LYRM4: variants seen among roughly 807,000 people sequenced by gnomAD.
LYRM4 encodes LYR motif containing 4.
A neutral mutation model predicts 11.7 loss-of-function variants in LYRM4; 9 were observed. The ratio of observed to expected loss-of-function variants is 0.77; its 90% CI spans 0.46 to 1.34. LYRM4 has a LOEUF of 1.34. LYRM4 is among the 40% of genes most tolerant of loss of function. The probability of loss-of-function intolerance (pLI) is 0.00; values close to 1 mark genes in which losing one functional copy is unlikely to be tolerated. For missense variants in LYRM4, 133 were observed against 112.5 expected (o/e 1.18, Z -0.82); for synonymous variants, 42 against 40.4 (o/e 1.04, Z -0.15).
At chr6:5,032,401 TATA>T in the LYRM4 span, 1 of 152,246 alleles carries the variant, frequency 6.6e-6, no homozygotes, top group Non-Finnish European at 1.5e-5. Context: ...TTCATTGAGG[TATA>T]ATAACATATT....
chr6:5,161,224 T>C (rs1758740143), intron 2 of LYRM4, among the ~76,000 whole-genome samples: 1 of 152,220 alleles, frequency 6.6e-6, no homozygotes, highest in Admixed American at 6.5e-5. Context: ...TGTTAAGAAT[T>C]AGAACCAGGT....
the LYRM4 span, among the ~76,000 whole-genome samples, chr6:5,083,158 C>G: frequency 3.3e-3 from 501 of 152,334 alleles, 1 homozygote; most frequent in African/African-American, 0.012. Context: ...CAGCACCTCC[C>G]TCACCTCCTT....
At chr6:5,236,035 A>G (rs1763519170) in intron 1 of LYRM4, among the ~76,000 whole-genome samples, 1 of 152,234 alleles carries the variant, frequency 6.6e-6, no homozygotes, top group South Asian at 2.1e-4. Flanking sequence ...CTACAAGAAC[A>G]AAGTACAGTC....
chr6:5,116,806 C>CT (rs1434901144), intron 2 of LYRM4, among the ~76,000 whole-genome samples: 3 of 152,222 alleles, frequency 2.0e-5, no homozygotes, highest in African/African-American at 7.2e-5. Flanking sequence ...CTTAAGAGCT[C>CT]TGAGACTCAT....
intron 2 of LYRM4, among the ~76,000 whole-genome samples, chr6:5,118,529 T>C (rs575276205): frequency 1.7e-4 from 26 of 152,284 alleles, no homozygotes; most frequent in African/African-American, 5.8e-4. Flanking sequence ...GTGGCCCTCC[T>C]CTGGCTTATG....
the LYRM4 span, chr6:5,031,898 CACA>C: frequency 2.0e-5 from 3 of 152,114 alleles, no homozygotes; most frequent in East Asian, 1.9e-4. Context: ...AAAGAATCAT[CACA>C]ACATTTTAAA....
the LYRM4 span, among the ~76,000 whole-genome samples, chr6:5,097,934 C>T: frequency 6.6e-6 from 1 of 152,234 alleles, no homozygotes; most frequent in Non-Finnish European, 1.5e-5. Flanking sequence ...AGCAGCTACT[C>T]TTGAGGGGCC....
At chr6:5,036,334 C>G in the LYRM4 span, among the ~76,000 whole-genome samples, 19 of 152,066 alleles carry the variant, frequency 1.2e-4, no homozygotes, top group Admixed American at 1.2e-3. Flanking sequence ...CCAGGTTAGC[C>G]TAGGAGATAG....
the LYRM4 span, among the ~76,000 whole-genome samples, chr6:5,077,047 C>A: frequency 6.6e-6 from 1 of 152,186 alleles, no homozygotes; most frequent in Non-Finnish European, 1.5e-5. Flanking sequence ...CTTACTTGCT[C>A]CTTCCTGAAC....
intron 2 of LYRM4, among the ~76,000 whole-genome samples, chr6:5,111,660 G>A (rs9504331): frequency 1.3e-5 from 2 of 152,188 alleles, no homozygotes; most frequent in Admixed American, 6.5e-5. Flanking sequence ...AATGACAGCC[G>A]CGTGGTCTCT....
At chr6:5,240,651 A>T (rs1763822436) in intron 1 of LYRM4, 1 of 152,208 alleles carries the variant, frequency 6.6e-6, no homozygotes, top group South Asian at 2.1e-4. Flanking sequence ...TCAACTGAGG[A>T]TTGTAAACCC....
At chr6:5,079,410 C>T in the LYRM4 span, among the ~76,000 whole-genome samples, 1 of 152,144 alleles carries the variant, frequency 6.6e-6, no homozygotes, top group East Asian at 1.9e-4. Context: ...TATTTATGTC[C>T]TGCTTTTAGG....
chr6:5,070,971 C>T, the LYRM4 span, among the ~76,000 whole-genome samples: 66 of 151,318 alleles, frequency 4.4e-4, no homozygotes, highest in Admixed American at 7.3e-4. Flanking sequence ...GTGGACGGAT[C>T]GCGAGGTCAG....
the LYRM4 span, chr6:5,033,139 T>C: frequency 8.0e-5 from 12 of 149,940 alleles, no homozygotes; most frequent in African/African-American, 3.0e-4. Flanking sequence ...TGTCCATGGG[T>C]GTCCAGAGGC....
chr6:5,199,590 C>G (rs766184576), intron 2 of LYRM4, among the ~76,000 whole-genome samples: 4 of 152,172 alleles, frequency 2.6e-5, no homozygotes, highest in Non-Finnish European at 4.4e-5. Context: ...CAGGGAAGAA[C>G]AGTCACTACC....
rs576875692 is a variant in LYRM4 at position 5,241,064 on chromosome 6, C to T, written c.86+19584G>A. 1.9e-3 allele frequency among the ~76,000 whole-genome samples: 283 copies of T among 152,290 alleles called. 2 individuals are homozygous for T. The highest frequency in any genetic ancestry group is 6.6e-3 in the African/African-American group (274 of 41,562). Reference sequence around the variant, plus strand: ...TAGGTTACTTCTATTCTATGAACTGCAGCTTTCTTGTTTGCAAAATGGGGG... The same window carrying T: ...TAGGTTACTTCTATTCTATGAACTGTAGCTTTCTTGTTTGCAAAATGGGGG... On this transcript the variant is annotated intron_variant, in intron 1 of 2. Transcript: ENST00000330636.
chr6:5,256,494 A>C (rs1218324409), intron 1 of LYRM4, among the ~76,000 whole-genome samples: 2 of 21,354 alleles, frequency 9.4e-5, no homozygotes, highest in Non-Finnish European at 1.6e-4. Flanking sequence ...TCAACTGGAA[A>C]AAAAAAAAAA....
intron 1 of LYRM4, among the ~76,000 whole-genome samples, chr6:5,257,255 C>T (rs1043361113): frequency 2.6e-5 from 4 of 152,146 alleles, no homozygotes; most frequent in Non-Finnish European, 4.4e-5. Flanking sequence ...GTCACCGCCC[C>T]CCCAACCCCA....
the LYRM4 span, among the ~76,000 whole-genome samples, chr6:5,035,967 C>T: frequency 6.7e-6 from 1 of 150,136 alleles, no homozygotes; most frequent in African/African-American, 2.5e-5. Context: ...TAGCACAGAG[C>T]CTGGCCCAAA....
Sources: gnomAD v4.1 joint callset for allele counts (sites outside exome capture counted in the v4.1 genomes callset) on GRCh38, gnomAD v4.1.1 for gene constraint, MANE v1.5 for transcripts, NCBI Gene and HGNC (gene_info 2026-07-23, HGNC 2026-07-21) for gene names.